The following CNTN4 variants were observed in gnomAD, a reference collection of about 807,000 sequenced individuals.
CNTN4 encodes the protein contactin-4.
CNTN4 carries 77 observed loss-of-function variants against 122.5 expected under a neutral mutation model. The ratio of observed to expected loss-of-function variants is 0.63; its 90% CI spans 0.52 to 0.76. CNTN4 has a LOEUF of 0.76. Ranked by LOEUF, CNTN4 falls within the 30% of genes least tolerant of loss-of-function variation. CNTN4 has a pLI of 0.00. For missense variants in CNTN4, 1,256 were observed against 1,259.1 expected (o/e 1.00, Z 0.04); for synonymous variants, 512 against 447.0 (o/e 1.15, Z -1.83).
chr3:2,535,849 A>G (rs1228510759), intron 3 of CNTN4, among the ~76,000 whole-genome samples: 1 of 152,114 alleles, frequency 6.6e-6, no homozygotes, highest in East Asian at 1.9e-4. Context: ...TTTCAGTAGT[A>G]CACTTTCAAA....
chr3:2,123,278 G>A (rs1010907638), intron 2 of CNTN4, among the ~76,000 whole-genome samples: 2 of 152,186 alleles, frequency 1.3e-5, no homozygotes, highest in African/African-American at 2.4e-5. Context: ...ACGGCTGAGT[G>A]CATTTCTCAA....
chr3:2,946,783 A>G (rs183062825), intron 13 of CNTN4, among the ~76,000 whole-genome samples: 1 of 147,194 alleles, frequency 6.8e-6, no homozygotes, highest in East Asian at 2.0e-4. Flanking sequence ...GGCTCACTGC[A>G]ATAATCCCAG....
Position 2,878,553 on chromosome 3 carries a change from CTGTGTGTGTGTG to C in CNTN4, c.653-4566_653-4555del, listed in dbSNP as rs60925207. ...AAGAGAACAACAGAAGAGATGCTCT[CTGTGTGTGTGTG>C]TGTGTGTGTGTGTGTGTGTGTGTGT... On this transcript the variant is annotated intron_variant, in intron 8 of 24. Transcript: ENST00000418658. Among the ~76,000 whole-genome samples the C allele has an allele frequency of 3.8e-3, 561 of 146,950 alleles. 2 individuals carry two copies. The highest frequency in any genetic ancestry group is 0.013 in the African/African-American group (524 of 39,724).
At chr3:2,425,563 TG>T (rs1479717671) in intron 3 of CNTN4, among the ~76,000 whole-genome samples, 1 of 152,212 alleles carries the variant, frequency 6.6e-6, no homozygotes. Context: ...GGCTCTTTTT[TG>T]GTTCCATATG....
intron 4 of CNTN4, among the ~76,000 whole-genome samples, chr3:2,635,531 A>G (rs759151570): frequency 6.6e-6 from 1 of 152,100 alleles, no homozygotes; most frequent in Non-Finnish European, 1.5e-5. Flanking sequence ...ACTAGATCCC[A>G]ATTTTCTGTT....
At chr3:2,486,962 A>G (rs1023644714) in intron 3 of CNTN4, among the ~76,000 whole-genome samples, 2 of 152,202 alleles carry the variant, frequency 1.3e-5, no homozygotes, top group Non-Finnish European at 2.9e-5. Flanking sequence ...TTTAAAAAAA[A>G]TAAGTTAGGC....
At chr3:2,448,448 G>A (rs2048705002) in intron 3 of CNTN4, among the ~76,000 whole-genome samples, 1 of 152,168 alleles carries the variant, frequency 6.6e-6, no homozygotes, top group Non-Finnish European at 1.5e-5. Flanking sequence ...TGCAGTGATT[G>A]GGCTTCTCAA....
At chr3:2,358,164 G>T (rs1356318774) in intron 3 of CNTN4, among the ~76,000 whole-genome samples, 1 of 152,104 alleles carries the variant, frequency 6.6e-6, no homozygotes, top group Admixed American at 6.5e-5. Flanking sequence ...ACAAAAAAAG[G>T]ATACAATATT....
intron 14 of CNTN4, among the ~76,000 whole-genome samples, chr3:3,014,303 C>T (rs1302431638): frequency 6.6e-6 from 1 of 152,126 alleles, no homozygotes; most frequent in Admixed American, 6.5e-5. Flanking sequence ...ATCACTGTGG[C>T]AAAACCTACT....
At chr3:2,375,499 A>G (rs901443918) in intron 3 of CNTN4, among the ~76,000 whole-genome samples, 1 of 152,106 alleles carries the variant, frequency 6.6e-6, no homozygotes, top group African/African-American at 2.4e-5. Flanking sequence ...TCTAGCAGAA[A>G]AGGCCGCCTG....
At chr3:2,356,343 G>T (rs1327418953) in intron 3 of CNTN4, among the ~76,000 whole-genome samples, 1 of 152,154 alleles carries the variant, frequency 6.6e-6, no homozygotes, top group African/African-American at 2.4e-5. Context: ...ACAAGGGGTG[G>T]ATTATTCATG....
At chr3:2,819,184 C>G (rs2092808095) in intron 6 of CNTN4, among the ~76,000 whole-genome samples, 1 of 152,172 alleles carries the variant, frequency 6.6e-6, no homozygotes, top group Admixed American at 6.5e-5. Flanking sequence ...GTGCATGTGG[C>G]TACTGAGCAC....
intron 2 of CNTN4, among the ~76,000 whole-genome samples, chr3:2,233,428 T>C (rs569072593): frequency 1.3e-5 from 2 of 152,320 alleles, no homozygotes; most frequent in South Asian, 4.1e-4. Flanking sequence ...TCTTGTGATA[T>C]ATTCTGCATT....
At position 2,304,538 on chromosome 3, in the gene CNTN4, G is replaced by A. The variant is rs1283035405; in HGVS notation, c.-144-34640G>A. 1.3e-5 allele frequency among the ~76,000 whole-genome samples: 2 copies of A among 151,956 alleles called. 1 individual carries two copies. The highest frequency in any genetic ancestry group is 2.9e-5 in the Non-Finnish European group (2 of 67,978). On this transcript the variant is annotated intron_variant, in intron 2 of 24. Transcript: ENST00000418658. Reference sequence around the variant, plus strand: ...GAAAGGGGTGTTATATCACTTATGAGGAAGACACTTAACATCTTTTCGCTT... The same window carrying A: ...GAAAGGGGTGTTATATCACTTATGAAGAAGACACTTAACATCTTTTCGCTT...
intron 3 of CNTN4, among the ~76,000 whole-genome samples, chr3:2,406,798 A>G (rs891339614): frequency 6.6e-6 from 1 of 152,168 alleles, no homozygotes; most frequent in Non-Finnish European, 1.5e-5. Flanking sequence ...CTTTGAAGTG[A>G]TATAAGTGTG....
chr3:3,019,765 AATATAT>A (rs67229453), intron 14 of CNTN4, among the ~76,000 whole-genome samples: 3,515 of 137,970 alleles, frequency 0.025, 62 homozygotes, highest in African/African-American at 0.043. Context: ...TGTGTACACA[AATATAT>A]ATATATATAT....
intron 4 of CNTN4, among the ~76,000 whole-genome samples, chr3:2,634,695 T>A (rs2082585680): frequency 2.1e-5 from 3 of 143,484 alleles, no homozygotes. Flanking sequence ...AAAATATATA[T>A]ATATATATAT....
At position 2,705,611 on chromosome 3, in the gene CNTN4, ATT is replaced by A. The variant is rs1269174675; in HGVS notation, c.56-30602_56-30601del. On this transcript the variant is annotated intron_variant, in intron 4 of 24. Transcript: ENST00000418658. ...TATAAAATTTATATAAATTTTATAT[ATT>A]TATATATAATATATAAATATATATA... 1.2e-4 allele frequency among the ~76,000 whole-genome samples: 5 copies of A among 42,830 alleles called. No individual in the cohort carries two copies. The Admixed American group carries it at 1.4e-3, about 12-fold the overall frequency. The allele number at this position is 42,830 out of a possible 152,430, so 28.1% of individuals were successfully genotyped here.
At chr3:2,145,736 T>G (rs2035214185) in intron 2 of CNTN4, among the ~76,000 whole-genome samples, 1 of 152,226 alleles carries the variant, frequency 6.6e-6, no homozygotes, top group Admixed American at 6.5e-5. Context: ...TTGTTGAACA[T>G]TTTCTAAGAG....
Sources: allele counts gnomAD v4.1 joint callset (sites outside exome capture counted in the v4.1 genomes callset), GRCh38; gene constraint gnomAD v4.1.1; transcripts MANE v1.5; gene names NCBI Gene and HGNC (gene_info 2026-07-23, HGNC 2026-07-21).